Variants in ATF6 observed in about 807,000 individuals in gnomAD.
ATF6 encodes activating transcription factor 6.
ATF6 carries 53 observed loss-of-function variants against 83.6 expected under a neutral mutation model. The ratio of observed to expected loss-of-function variants is 0.63; its 90% CI spans 0.51 to 0.80. ATF6 has a LOEUF of 0.80. Ranked by LOEUF, ATF6 falls within the 30% of genes least tolerant of loss-of-function variation. ATF6 has a pLI of 0.00. For missense variants in ATF6, 744 were observed against 797.9 expected (o/e 0.93, Z 0.81); for synonymous variants, 288 against 285.8 (o/e 1.01, Z -0.08).
chr1:161,849,125 T>C (rs1571187023), intron 10 of ATF6, among the ~76,000 whole-genome samples: 2 of 152,306 alleles, frequency 1.3e-5, no homozygotes, highest in South Asian at 2.1e-4. Flanking sequence ...GCGTATGTCA[T>C]AGATTTATAA....
chr1:161,778,789 T>C (rs1399443208), intron 2 of ATF6, among the ~76,000 whole-genome samples: 7 of 152,210 alleles, frequency 4.6e-5, no homozygotes, highest in Non-Finnish European at 8.8e-5. Flanking sequence ...TTTGATTGGT[T>C]AGAGGTCTGT....
Position 161,778,333 on chromosome 1 carries a change from T to C in ATF6, c.159+13T>C, listed in dbSNP as rs915954826. On this transcript the variant is annotated intron_variant, in intron 2 of 15. Transcript: ENST00000367942. ...AAATGAGACGTATGTAAGTATTTAC[T>C]AAGGTTGAATAATGTGATATTTAGT... 2 of 1,598,196 alleles carry C rather than the reference T, an allele frequency of 1.3e-6. No homozygotes were observed. The highest frequency in any genetic ancestry group is 1.7e-6 in the Non-Finnish European group (2 of 1,166,422).
chr1:161,778,915 A>T (rs901499498), intron 2 of ATF6, among the ~76,000 whole-genome samples: 1 of 152,106 alleles, frequency 6.6e-6, no homozygotes, highest in Admixed American at 6.6e-5. Context: ...TCTTTAATGG[A>T]TGAGGTGCTG....
At chr1:161,784,690 T>G (rs1360659501) in intron 4 of ATF6, among the ~76,000 whole-genome samples, 3 of 152,154 alleles carry the variant, frequency 2.0e-5, no homozygotes, top group Non-Finnish European at 4.4e-5. Context: ...TCAAATAATA[T>G]TTTAGTATAT....
At chr1:161,774,223 G>A (rs984827407) in intron 1 of ATF6, among the ~76,000 whole-genome samples, 5 of 152,096 alleles carry the variant, frequency 3.3e-5, no homozygotes, top group Admixed American at 1.3e-4. Context: ...CTGCCGCTAT[G>A]AGAATCCTGA....
At chr1:161,815,428 C>T (rs1157717693) in intron 7 of ATF6, among the ~76,000 whole-genome samples, 2 of 151,138 alleles carry the variant, frequency 1.3e-5, no homozygotes, top group Non-Finnish European at 2.9e-5. Flanking sequence ...TGGCCTCAAG[C>T]GTTCCTCCTG....
intron 14 of ATF6, among the ~76,000 whole-genome samples, chr1:161,865,345 A>T (rs932079511): frequency 2.6e-5 from 4 of 152,088 alleles, no homozygotes; most frequent in Admixed American, 2.6e-4. Context: ...TTTTTAGTAG[A>T]GACGGGGTTT....
At chr1:161,920,619 T>A (rs752884577) in intron 15 of ATF6, among the ~76,000 whole-genome samples, 28 of 151,516 alleles carry the variant, frequency 1.8e-4, no homozygotes, top group Non-Finnish European at 3.2e-4. Context: ...TTTGTTTTAT[T>A]ATATTGAGAA....
chr1:161,869,906 G>A (rs573069387), intron 14 of ATF6, among the ~76,000 whole-genome samples: 1 of 151,630 alleles, frequency 6.6e-6, no homozygotes, highest in East Asian at 1.9e-4. Flanking sequence ...AGTATTCTTA[G>A]TCCTATTTTA....
At chr1:161,930,828 G>T (rs1688416790) in intron 15 of ATF6, among the ~76,000 whole-genome samples, 2 of 151,816 alleles carry the variant, frequency 1.3e-5, no homozygotes, top group South Asian at 4.1e-4. Flanking sequence ...GGAATGACGT[G>T]AAGGAATTTA....
At chr1:161,862,102 AACCCTGTATT>A (rs1686898809) in intron 13 of ATF6, among the ~76,000 whole-genome samples, 2 of 152,234 alleles carry the variant, frequency 1.3e-5, no homozygotes, top group African/African-American at 4.8e-5. Flanking sequence ...GCAGGAACCT[AACCCTGTATT>A]TCCCCCAGGA....
chr1:161,831,363 C>G (rs76577811), intron 9 of ATF6, among the ~76,000 whole-genome samples: 21,560 of 152,162 alleles, frequency 0.14, 2,095 homozygotes, highest in East Asian at 0.31. Flanking sequence ...TAAATTAGTT[C>G]AAACATTGTG....
intron 14 of ATF6, among the ~76,000 whole-genome samples, chr1:161,874,086 G>A (rs1279304191): frequency 6.6e-6 from 1 of 151,594 alleles, no homozygotes; most frequent in African/African-American, 2.4e-5. Context: ...ATTTTTAAAA[G>A]TCTAAGTGCC....
intron 15 of ATF6, among the ~76,000 whole-genome samples, chr1:161,944,979 G>T (rs1464773304): frequency 2.0e-5 from 3 of 152,148 alleles, no homozygotes; most frequent in African/African-American, 7.2e-5. Flanking sequence ...ATCTCATCCT[G>T]GTTCATTTCT....
At chr1:161,923,591 C>T (rs1688256345) in intron 15 of ATF6, among the ~76,000 whole-genome samples, 2 of 152,126 alleles carry the variant, frequency 1.3e-5, no homozygotes, top group Non-Finnish European at 2.9e-5. Context: ...AATGTTATTA[C>T]TTTGCTAAGA....
chr1:161,880,328 ATG>A (rs138587790), intron 14 of ATF6, among the ~76,000 whole-genome samples: 22,478 of 147,728 alleles, frequency 0.15, 2,152 homozygotes, highest in East Asian at 0.31. Flanking sequence ...TGTGATATGT[ATG>A]TGTGTGTGTG....
At position 161,962,989 on chromosome 1, in the gene ATF6, A is replaced by G. The variant is rs944093086; in HGVS notation, c.*4335A>G. 4.6e-5 allele frequency: 7 copies of G among 152,256 alleles called. No homozygotes were observed. The highest frequency in any genetic ancestry group is 7.3e-5 in the Non-Finnish European group (5 of 68,042). 9.4% of individuals were successfully genotyped at this position (152,256 alleles called of 1,614,324 possible). On this transcript the variant is annotated 3_prime_UTR_variant, in exon 16 of 16. Transcript: ENST00000367942. ...AATAAAGCCTAAAAGAGAATGAAAT[A>G]TAAGAAATGTTCGTTCCCACCCCTA... is the stretch of plus-strand genomic sequence containing the variant.
At chr1:161,924,991 G>T (rs1212688389) in intron 15 of ATF6, among the ~76,000 whole-genome samples, 1 of 152,164 alleles carries the variant, frequency 6.6e-6, no homozygotes, top group African/African-American at 2.4e-5. Flanking sequence ...GCTTTAAATA[G>T]CTCTGGCAAT....
intron 14 of ATF6, among the ~76,000 whole-genome samples, chr1:161,893,319 A>G (rs1687598092): frequency 6.6e-6 from 1 of 151,756 alleles, no homozygotes; most frequent in Non-Finnish European, 1.5e-5. Context: ...GGCATGTGAC[A>G]CCATGCCCAG....
Sources: allele counts gnomAD v4.1 joint callset (sites outside exome capture counted in the v4.1 genomes callset), GRCh38; gene constraint gnomAD v4.1.1; transcripts MANE v1.5; gene names NCBI Gene and HGNC (gene_info 2026-07-23, HGNC 2026-07-21).